Variants in TNFRSF13B observed in about 807,000 individuals in gnomAD.
TNFRSF13B encodes the protein TNF receptor superfamily member 13B.
In TNFRSF13B, 34 loss-of-function variants were observed where a neutral mutation model predicts 24.0. The observed-to-expected ratio is 1.41, with a 90% CI of 1.08 to 1.88. The LOEUF (loss-of-function observed/expected upper bound fraction) is 1.88, where lower values mean the gene tolerates loss of function less well. TNFRSF13B is among the 40% of genes most tolerant of loss of function. The pLI is 0.00. For missense variants in TNFRSF13B, 415 were observed against 380.8 expected, an observed-to-expected ratio of 1.09 and a Z score of -0.75; for synonymous variants, 173 against 150.3, an observed-to-expected ratio of 1.15 and a Z score of -1.10.
At chr17:16,968,095 C>T (rs1161945057) in intron 1 of TNFRSF13B, among the ~76,000 whole-genome samples, 1 of 141,924 alleles carries the variant, frequency 7.0e-6, no homozygotes, top group African/African-American at 2.6e-5. Context: ...GAGCCGAGAT[C>T]GCACCACTGC....
chr17:16,949,068 A>G, intron 2 of TNFRSF13B, 85 bp from the exon 3 acceptor site: 1 of 1,552,420 alleles, frequency 6.4e-7, no homozygotes, highest in Admixed American at 1.8e-5. Flanking sequence ...TCAAAGTTAA[A>G]AAAAAAAATA....
chr17:16,971,361 C>CCA (rs1555550672), intron 1 of TNFRSF13B, among the ~76,000 whole-genome samples: 1 of 150,924 alleles, frequency 6.6e-6, no homozygotes. Context: ...AAAACAAAAA[C>CCA]AAAAACAAAA....
chr17:16,965,678 T>A (rs1597668703), intron 1 of TNFRSF13B, among the ~76,000 whole-genome samples: 1 of 152,028 alleles, frequency 6.6e-6, no homozygotes, highest in Admixed American at 6.6e-5. Context: ...TGGGGAAAGG[T>A]GAAAGTCCTG....
chr17:16,967,777 G>GA (rs2087714102), intron 1 of TNFRSF13B, among the ~76,000 whole-genome samples: 3 of 122,410 alleles, frequency 2.5e-5, no homozygotes, highest in African/African-American at 9.9e-5. Flanking sequence ...AAAAAAGAAA[G>GA]AAAGAAAAAA....
chr17:16,966,924 T>C (rs2087705707), intron 1 of TNFRSF13B, among the ~76,000 whole-genome samples: 1 of 142,458 alleles, frequency 7.0e-6, no homozygotes, highest in African/African-American at 2.6e-5. Context: ...CTGAAACTTC[T>C]GCCTCCTGGG....
intron 1 of TNFRSF13B, among the ~76,000 whole-genome samples, chr17:16,966,184 G>A (rs1292341689): frequency 6.6e-6 from 1 of 151,882 alleles, no homozygotes; most frequent in African/African-American, 2.4e-5. Flanking sequence ...AACCCAGTTG[G>A]GGGAAGTTGC....
At chr17:16,971,920 T>C (rs2087747657) in intron 1 of TNFRSF13B, 95 bp downstream of exon 1, 1 of 1,282,110 alleles carries the variant, frequency 7.8e-7, no homozygotes, top group Non-Finnish European at 1.1e-6. Flanking sequence ...GCTGTGGGCT[T>C]TGCACCTGCT....
At chr17:16,959,012 A>T (rs2087643845) in intron 1 of TNFRSF13B, among the ~76,000 whole-genome samples, 1 of 152,092 alleles carries the variant, frequency 6.6e-6, no homozygotes, top group South Asian at 2.1e-4. Flanking sequence ...CAGAATACAC[A>T]TTCTTTTCAA....
chr17:16,940,563 A>C, intron 3 of TNFRSF13B, 52 bp from the exon 4 acceptor site: 1 of 1,584,646 alleles, frequency 6.3e-7, no homozygotes, highest in Non-Finnish European at 8.6e-7. Context: ...TCTTCCCGTC[A>C]TTAGGCTCAA....
At position 16,948,140 on chromosome 17, in the gene TNFRSF13B, A is replaced by G. The variant is rs537142125; in HGVS notation, c.445+598T>C. Among the ~76,000 whole-genome samples the G allele has an allele frequency of 5.3e-5, 8 of 152,330 alleles. No homozygotes were observed. In the South Asian group the frequency reaches 1.7e-3, roughly 32 times the overall value. ...ATAAGTGAAATGCTAAGTGTCGAAT[A>G]CAGATGGACATAAAGACAGGAACAA... On this transcript the variant is annotated intron_variant, in intron 3 of 4. Transcript: ENST00000261652.
chr17:16,971,386 A>AC (rs1438825981), intron 1 of TNFRSF13B, among the ~76,000 whole-genome samples: 1 of 152,000 alleles, frequency 6.6e-6, no homozygotes, highest in East Asian at 1.9e-4. Flanking sequence ...AAAACAAAAA[A>AC]AAAGAAAGCT....
chr17:16,946,434 G>A (rs1405738801), intron 3 of TNFRSF13B, among the ~76,000 whole-genome samples: 1 of 152,154 alleles, frequency 6.6e-6, no homozygotes, highest in African/African-American at 2.4e-5. Context: ...TGCTGGGATA[G>A]GGTTAATTAG....
chr17:16,940,759 G>T, intron 3 of TNFRSF13B: 1 of 1,414,178 alleles, frequency 7.1e-7, no homozygotes, highest in Non-Finnish European at 9.2e-7. Flanking sequence ...CCTTCTTGTT[G>T]TCTCCACTTG....
chr17:16,960,530 A>G (rs897435955), intron 1 of TNFRSF13B, among the ~76,000 whole-genome samples: 2 of 152,260 alleles, frequency 1.3e-5, no homozygotes. Context: ...AGTCTCTTCC[A>G]TAAATGATGC....
At chr17:16,946,000 G>T (rs954336488) in intron 3 of TNFRSF13B, among the ~76,000 whole-genome samples, 6 of 152,242 alleles carry the variant, frequency 3.9e-5, no homozygotes, top group Non-Finnish European at 5.9e-5. Context: ...CAGCCCACTT[G>T]TCCCAGGAGG....
Position 16,939,312 on chromosome 17 carries a change from CCT to C in TNFRSF13B, c.*233_*234del. 1 of 507,404 alleles carries C rather than the reference CCT, an allele frequency of 2.0e-6. No individual in the cohort carries two copies. The highest frequency in any genetic ancestry group is 3.4e-6 in the Non-Finnish European group (1 of 292,248). 31.4% of individuals were successfully genotyped at this position (507,404 alleles called of 1,614,324 possible). On this transcript the variant is annotated 3_prime_UTR_variant, in exon 5 of 5. Coordinates refer to ENST00000261652, the MANE Select transcript of TNFRSF13B (RefSeq NM_012452.3). ...CCCTCTCTGCCTCTCTCCCTCTCTG[CCT>C]CTCTCCTTCTCTGCCTGTCTCTTTC... is the stretch of plus-strand genomic sequence containing the variant.
chr17:16,942,659 G>A (rs2087520016), intron 3 of TNFRSF13B, among the ~76,000 whole-genome samples: 1 of 152,212 alleles, frequency 6.6e-6, no homozygotes, highest in Admixed American at 6.5e-5. Flanking sequence ...GACGCTACCA[G>A]CCCTCAGAGC....
chr17:16,964,589 C>T (rs1253346604), intron 1 of TNFRSF13B, among the ~76,000 whole-genome samples: 1 of 152,160 alleles, frequency 6.6e-6, no homozygotes, highest in Admixed American at 6.5e-5. Context: ...GATCTGCCTG[C>T]CTCAGCCTCC....
At chr17:16,965,463 G>A (rs192040646) in intron 1 of TNFRSF13B, among the ~76,000 whole-genome samples, 1 of 152,334 alleles carries the variant, frequency 6.6e-6, no homozygotes, top group Admixed American at 6.5e-5. Context: ...TTCCAAGATA[G>A]CAGGCACACA....
Sources: allele counts gnomAD v4.1 joint callset (sites outside exome capture counted in the v4.1 genomes callset), GRCh38; gene constraint gnomAD v4.1.1; transcripts MANE v1.5; gene names NCBI Gene and HGNC (gene_info 2026-07-23, HGNC 2026-07-21).